The following DNAH7 variants were observed in gnomAD, a reference collection of about 807,000 sequenced individuals.
DNAH7 encodes the protein dynein axonemal heavy chain 7, also known as axonemal beta dynein heavy chain 7.
A neutral mutation model predicts 444.6 loss-of-function variants in DNAH7; 397 were observed. The ratio of observed to expected loss-of-function variants is 0.89; its 90% CI spans 0.82 to 0.97. The LOEUF is 0.97. Among genes scored for constraint, DNAH7 ranks in the 50% least tolerant of loss-of-function variants. DNAH7 has a pLI of 0.00. For synonymous variants in DNAH7, 1,636 were observed against 1,624.4 expected, an observed-to-expected ratio of 1.01 and a Z score of -0.17; for missense variants, 4,902 against 4,800.8, an observed-to-expected ratio of 1.02 and a Z score of -0.62.
intron 28 of DNAH7, among the ~76,000 whole-genome samples, chr2:195,898,451 C>T (rs1182556573): frequency 5.3e-5 from 8 of 152,284 alleles, no homozygotes; most frequent in South Asian, 2.1e-4. Flanking sequence ...AGCATTTCAT[C>T]GTTATTGAAT....
chr2:196,044,175 G>A (rs989152796), intron 5 of DNAH7, among the ~76,000 whole-genome samples: 13 of 148,794 alleles, frequency 8.7e-5, no homozygotes, highest in African/African-American at 3.2e-4. Context: ...ATCAATGAGT[G>A]GATAAAAAAA....
intron 48 of DNAH7, among the ~76,000 whole-genome samples, chr2:195,828,584 CA>C (rs1697899286): frequency 6.9e-6 from 1 of 144,568 alleles, no homozygotes; most frequent in Non-Finnish European, 1.5e-5. Flanking sequence ...GACTCCATCT[CA>C]AAAATAACAT....
intron 19 of DNAH7, among the ~76,000 whole-genome samples, chr2:195,938,634 C>T (rs1689217951): frequency 6.6e-6 from 1 of 152,090 alleles, no homozygotes; most frequent in African/African-American, 2.4e-5. Context: ...GTTATTTAAA[C>T]CAGTATATTC....
intron 46 of DNAH7, among the ~76,000 whole-genome samples, chr2:195,845,899 A>AAAACCTT (rs1205870738): frequency 1.3e-5 from 2 of 152,236 alleles, no homozygotes; most frequent in African/African-American, 4.8e-5. Flanking sequence ...CTAAAACTAT[A>AAAACCTT]AAACCTTAGA....
At chr2:195,902,358 T>C (rs1443742521) in intron 27 of DNAH7, 1 of 151,744 alleles carries the variant, frequency 6.6e-6, no homozygotes, top group African/African-American at 2.4e-5. Flanking sequence ...TAAAAAAGCT[T>C]AAGCAAGTGT....
At chr2:195,991,061 T>C (rs979212452) in intron 12 of DNAH7, among the ~76,000 whole-genome samples, 1 of 150,738 alleles carries the variant, frequency 6.6e-6, no homozygotes, top group Non-Finnish European at 1.5e-5. Flanking sequence ...TTTGAGGTGA[T>C]TAGATCACAG....
At chr2:195,773,044 G>A (rs1694914055) in intron 60 of DNAH7, among the ~76,000 whole-genome samples, 2 of 152,124 alleles carry the variant, frequency 1.3e-5, no homozygotes, top group African/African-American at 2.4e-5. Context: ...GCCTCCCAAA[G>A]TGCTGGGATT....
chr2:195,813,608 T>C (rs1349514817), intron 51 of DNAH7, among the ~76,000 whole-genome samples: 1 of 152,230 alleles, frequency 6.6e-6, no homozygotes, highest in African/African-American at 2.4e-5. Flanking sequence ...AGATGGTCAC[T>C]TCAATTGCCA....
intron 51 of DNAH7, among the ~76,000 whole-genome samples, chr2:195,816,138 T>C (rs563574019): frequency 6.6e-6 from 1 of 152,354 alleles, no homozygotes; most frequent in East Asian, 1.9e-4. Context: ...CCAACAGTAA[T>C]ATAAAGTATT....
At chr2:195,770,474 C>T (rs1211655743) in intron 61 of DNAH7, among the ~76,000 whole-genome samples, 1 of 152,120 alleles carries the variant, frequency 6.6e-6, no homozygotes, top group Non-Finnish European at 1.5e-5. Flanking sequence ...AGCCTTTCTA[C>T]TTGTGTTCCT....
chr2:195,739,813 T>TC (rs1692885037), intron 64 of DNAH7, among the ~76,000 whole-genome samples: 1 of 152,222 alleles, frequency 6.6e-6, no homozygotes, highest in Non-Finnish European at 1.5e-5. Flanking sequence ...CAACACACGT[T>TC]CCCAGCTCGG....
chr2:195,746,604 G>C (rs987585629), intron 63 of DNAH7, among the ~76,000 whole-genome samples: 121 of 152,250 alleles, frequency 7.9e-4, no homozygotes, highest in Non-Finnish European at 1.5e-3. Flanking sequence ...AAGTAAAGCT[G>C]TCCTCAGCAA....
chr2:195,911,430 CAT>C (rs1559214913), intron 24 of DNAH7, among the ~76,000 whole-genome samples: 1 of 151,882 alleles, frequency 6.6e-6, no homozygotes, highest in Non-Finnish European at 1.5e-5. Flanking sequence ...AGTTAAGAGA[CAT>C]AGAAGGAAGA....
chr2:195,926,529 T>C lies in DNAH7; in HGVS notation c.3509A>G (p.Glu1170Gly). 1 of 1,602,072 alleles carries C rather than the reference T, an allele frequency of 6.2e-7. No homozygotes were observed. ...GDATFAYTKYERINWVRDWPG... is the reference protein window; with the variant it reads ...GDATFAYTKYGRINWVRDWPG... ...CCAATCCCTTACCCAGTTAATTCGTTCATATTTTGTATAGGCAAAAGTTGC... is the reference window on the plus strand; with the variant it reads ...CCAATCCCTTACCCAGTTAATTCGTCCATATTTTGTATAGGCAAAAGTTGC... Residue 1170 changes from glutamate (E) to glycine (G), a missense_variant, in exon 22 of 65, where the codon GAA (glutamate) becomes GGA (glycine). Glu to Gly is a moderately conservative substitution (Grantham distance 98). Transcript: ENST00000312428.
chr2:195,899,009 TCTGC>T, intron 28 of DNAH7, among the ~76,000 whole-genome samples: 1 of 152,344 alleles, frequency 6.6e-6, no homozygotes, highest in Middle Eastern at 3.4e-3. Flanking sequence ...CTAGAATCTC[TCTGC>T]CTAATAAATG....
In DNAH7 at chr2:195,808,892, C is replaced by G; in HGVS notation, c.9889-16G>C. The G allele has an allele frequency of 6.2e-7, 1 of 1,608,328 alleles. No homozygotes were observed. The highest frequency in any genetic ancestry group is 8.5e-7 in the Non-Finnish European group (1 of 1,177,342). On this transcript the variant is annotated splice_polypyrimidine_tract_variant and intron_variant, in intron 52 of 64. Coordinates refer to ENST00000312428, the MANE Select transcript of DNAH7 (RefSeq NM_018897.3). ...CTTTATTAATCTTTGGAAAACAAGG[C>G]AGCGTGAAGAGTCAGAAACGAGTTC...
chr2:195,954,064 A>G (rs1418373035), intron 19 of DNAH7, among the ~76,000 whole-genome samples: 4 of 152,206 alleles, frequency 2.6e-5, no homozygotes, highest in African/African-American at 7.2e-5. Context: ...TCTAGGGTAC[A>G]TGTGCACAAC....
chr2:195,855,508 T>G (rs911911107), intron 45 of DNAH7, among the ~76,000 whole-genome samples: 7 of 152,190 alleles, frequency 4.6e-5, no homozygotes, highest in Non-Finnish European at 5.9e-5. Context: ...ATTTTTTTTT[T>G]TTGGAAAGGC....
At chr2:195,885,675 A>T (rs1701662758) in intron 34 of DNAH7, among the ~76,000 whole-genome samples, 1 of 152,192 alleles carries the variant, frequency 6.6e-6, no homozygotes, top group South Asian at 2.1e-4. Context: ...TGGTTTATTT[A>T]TTACCTACAT....
Sources: allele counts gnomAD v4.1 joint callset (sites outside exome capture counted in the v4.1 genomes callset), GRCh38; gene constraint gnomAD v4.1.1; transcripts MANE v1.5; gene names NCBI Gene and HGNC (gene_info 2026-07-23, HGNC 2026-07-21).